ATG4C: variants seen among roughly 807,000 people sequenced by gnomAD.
ATG4C encodes the protein autophagy related 4C cysteine peptidase.
Under a neutral mutation model 57.6 loss-of-function variants are expected in ATG4C, and 56 were observed. The ratio of observed to expected loss-of-function variants is 0.97; its 90% CI spans 0.78 to 1.21. The LOEUF (loss-of-function observed/expected upper bound fraction) is 1.21. Ranked by LOEUF, ATG4C falls within the 50% of genes most tolerant of loss-of-function variation. The pLI, the probability that ATG4C is intolerant of heterozygous loss-of-function variation, is 0.00. For synonymous variants in ATG4C, 157 were observed against 174.1 expected (o/e 0.90, Z 0.78); for missense variants, 595 against 529.8 (o/e 1.12, Z -1.21).
At chr1:62,848,789 T>C (rs1451319492) in intron 10 of ATG4C, among the ~76,000 whole-genome samples, 3 of 152,232 alleles carry the variant, frequency 2.0e-5, no homozygotes, top group Non-Finnish European at 2.9e-5. Flanking sequence ...GTTGTCCCAG[T>C]AATGCTCCAG....
chr1:62,853,116 T>G (rs1465995654), intron 10 of ATG4C, among the ~76,000 whole-genome samples: 1 of 152,264 alleles, frequency 6.6e-6, no homozygotes, highest in Non-Finnish European at 1.5e-5. Context: ...TACAGAATTC[T>G]AAAATGAAAA....
chr1:62,840,312 C>T (rs779938823), intron 9 of ATG4C, among the ~76,000 whole-genome samples: 1 of 152,174 alleles, frequency 6.6e-6, no homozygotes, highest in Non-Finnish European at 1.5e-5. Flanking sequence ...GGAGCCACAG[C>T]ACCCAGCTCC....
intron 1 of ATG4C, among the ~76,000 whole-genome samples, chr1:62,789,273 G>A (rs1331212780): frequency 6.6e-6 from 1 of 152,070 alleles, no homozygotes; most frequent in African/African-American, 2.4e-5. Flanking sequence ...AATCTATGCA[G>A]TGCGTTATAA....
chr1:62,834,165 C>A, intron 8 of ATG4C, 49 bp downstream of exon 8: 1 of 1,551,782 alleles, frequency 6.4e-7, no homozygotes, highest in Non-Finnish European at 8.9e-7. Context: ...TTTTAAAAGT[C>A]AGAAAGTTAA....
chr1:62,850,854 GTATATATATATATATATA>G (rs1161449502), intron 10 of ATG4C, among the ~76,000 whole-genome samples: 1,041 of 84,136 alleles, frequency 0.012, 33 homozygotes, highest in African/African-American at 0.028. Context: ...GTGTATGTAT[GTATATATATATATATATA>G]TATATATATA....
intron 10 of ATG4C, among the ~76,000 whole-genome samples, chr1:62,848,464 T>C (rs577609952): frequency 5.6e-4 from 86 of 152,230 alleles, no homozygotes; most frequent in Non-Finnish European, 1.1e-3. Context: ...ATTATTTCTT[T>C]TAATGCTGTT....
intron 7 of ATG4C, among the ~76,000 whole-genome samples, chr1:62,831,820 T>C (rs1043558623): frequency 6.6e-6 from 1 of 152,228 alleles, no homozygotes; most frequent in African/African-American, 2.4e-5. Context: ...ATTACTAAAC[T>C]TGCTCTAATG....
chr1:62,801,986 GAAAAA>G (rs1245839379), intron 1 of ATG4C, among the ~76,000 whole-genome samples: 1 of 89,700 alleles, frequency 1.1e-5, no homozygotes, highest in East Asian at 3.2e-4. Flanking sequence ...AAAAAAAAAA[GAAAAA>G]AAGAAAAGAA....
chr1:62,821,288 T>C, intron 6 of ATG4C, 79 bp downstream of exon 6: 1 of 855,726 alleles, frequency 1.2e-6, no homozygotes, highest in Non-Finnish European at 1.7e-6. Context: ...CCAGTAATAC[T>C]GTAAATGATT....
rs202135750 is a variant in ATG4C at position 62,829,221 on chromosome 1, A to G, written c.933+45A>G. 283 of 1,597,056 alleles carry G rather than the reference A, an allele frequency of 1.8e-4. No individual in the cohort carries two copies. In the African/African-American group the frequency reaches 3.1e-3, roughly 17 times the overall value. ...CTTTTTTAGGGCAATACTAGCTAAT[A>G]TGAAAAATATAGAAGGTTTGCAATT... On this transcript the variant is annotated intron_variant, in intron 7 of 10. Coordinates refer to ENST00000317868, the MANE Select transcript of ATG4C (RefSeq NM_032852.4).
intron 1 of ATG4C, among the ~76,000 whole-genome samples, 176 bp from the exon 2 acceptor site, chr1:62,803,543 A>G (rs1045922428): frequency 6.6e-6 from 1 of 152,076 alleles, no homozygotes; most frequent in Non-Finnish European, 1.5e-5. Flanking sequence ...ATTCTATAAG[A>G]TTTCTGTTTG....
intron 10 of ATG4C, among the ~76,000 whole-genome samples, chr1:62,857,489 TTA>T (rs1278536941): frequency 1.3e-5 from 2 of 152,102 alleles, no homozygotes; most frequent in African/African-American, 4.8e-5. Flanking sequence ...AATTATTTCA[TTA>T]TATATATTAT....
chr1:62,816,289 A>G (rs1665268827), intron 3 of ATG4C, among the ~76,000 whole-genome samples: 1 of 152,076 alleles, frequency 6.6e-6, no homozygotes, highest in African/African-American at 2.4e-5. Context: ...TTAATTATGT[A>G]TAGAATATAG....
chr1:62,844,526 C>T (rs11208046), intron 10 of ATG4C, among the ~76,000 whole-genome samples: 67,290 of 151,784 alleles, frequency 0.44, 15,022 homozygotes, highest in East Asian at 0.67. Flanking sequence ...TATGGAGAGT[C>T]TTGAATTAAA....
chr1:62,833,413 G>A (rs1665902363), intron 7 of ATG4C, among the ~76,000 whole-genome samples: 1 of 151,896 alleles, frequency 6.6e-6, no homozygotes, highest in African/African-American at 2.4e-5. Context: ...GATTGCTGAG[G>A]GGTGTATTAA....
rs181187832 is a variant in ATG4C at position 62,857,604 on chromosome 1, C to G, written c.1210-6388C>G. Among the ~76,000 whole-genome samples, 32 of 152,252 alleles carry G rather than the reference C, an allele frequency of 2.1e-4. No individual in the cohort carries two copies. In the East Asian group the frequency reaches 2.7e-3, roughly 13 times the overall value. ...CCCCAGTCCGTGGAGAAATTGTCTT[C>G]CATGAAATCAGTCCCTTGTTCCTGA... is the stretch of plus-strand genomic sequence containing the variant. On this transcript the variant is annotated intron_variant, in intron 10 of 10. Coordinates refer to ENST00000317868, the MANE Select transcript of ATG4C (RefSeq NM_032852.4).
At chr1:62,842,711 A>G (rs1422386306) in intron 10 of ATG4C, among the ~76,000 whole-genome samples, 2 of 152,196 alleles carry the variant, frequency 1.3e-5, no homozygotes, top group Admixed American at 1.3e-4. Context: ...GACCTGCCAT[A>G]TGAAAGAGGA....
rs1261860355 is a variant in ATG4C, at chr1:62,865,397, T to C, written c.*1238T>C. The C allele has an allele frequency of 6.6e-6, 1 of 151,878 alleles. No homozygotes were observed. The highest frequency in any genetic ancestry group is 1.5e-5 in the Non-Finnish European group (1 of 67,826). The allele number at this position is 151,878 out of a possible 1,614,324, so 9.4% of individuals were successfully genotyped here. A position where few individuals can be genotyped will look rare whatever the true frequency, so the allele number is the denominator to read the frequency against. On this transcript the variant is annotated 3_prime_UTR_variant, in exon 11 of 11. Coordinates refer to ENST00000317868, the MANE Select transcript of ATG4C (RefSeq NM_032852.4). ...GAAAACCTGTTTGTTTAGAGTTGCA[T>C]GTAAAGCTGAAAGAGAGGGTGGGCG...
chr1:62,798,452 A>G (rs545258326), intron 1 of ATG4C, among the ~76,000 whole-genome samples: 2 of 152,322 alleles, frequency 1.3e-5, no homozygotes, highest in East Asian at 3.9e-4. Flanking sequence ...TTTAAATAGT[A>G]CTAAACTTTA....
Sources: gnomAD v4.1 joint callset for allele counts (sites outside exome capture counted in the v4.1 genomes callset) on GRCh38, gnomAD v4.1.1 for gene constraint, MANE v1.5 for transcripts, NCBI Gene and HGNC (gene_info 2026-07-23, HGNC 2026-07-21) for gene names.